The following ATP9A variants were observed in gnomAD, a reference collection of about 807,000 sequenced individuals.
ATP9A encodes the protein ATPase phospholipid transporting 9A, also known as probable phospholipid-transporting ATPase IIA.
ATP9A carries 52 observed loss-of-function variants against 144.1 expected under a neutral mutation model. The observed-to-expected ratio is 0.36, with a 90% CI of 0.29 to 0.45. The LOEUF is 0.45. Ranked by LOEUF, ATP9A falls within the 20% of genes least tolerant of loss-of-function variation. The pLI, the probability that ATP9A is intolerant of heterozygous loss-of-function variation, is 1.00. For missense variants in ATP9A, 947 were observed against 1,392.7 expected, an observed-to-expected ratio of 0.68 and a Z score of 5.09; for synonymous variants, 582 against 557.4, an observed-to-expected ratio of 1.04 and a Z score of -0.62.
chr20:51,653,763 G>C (rs1346081273), intron 14 of ATP9A, among the ~76,000 whole-genome samples: 2 of 151,898 alleles, frequency 1.3e-5, no homozygotes, highest in African/African-American at 4.8e-5. Flanking sequence ...CTCCAGCCTG[G>C]GCGACAGAGC....
In ATP9A at chr20:51,599,724, T is replaced by A. The variant is rs1162054872; in HGVS notation, c.*1487A>T. The A allele has an allele frequency of 1.3e-5, 2 of 152,166 alleles. No homozygotes were observed. The highest frequency in any genetic ancestry group is 3.9e-4 in the East Asian group (2 of 5,190). 9.4% of individuals were successfully genotyped at this position (152,166 alleles called of 1,614,324 possible). ...CTCCAAGAGCAGGAGTTAGTAGGCA[T>A]CAGAAACCAGGCTGTGATGTACATC... is the stretch of plus-strand genomic sequence containing the variant. On this transcript the variant is annotated 3_prime_UTR_variant, in exon 28 of 28. Transcript: ENST00000338821.
intron 14 of ATP9A, among the ~76,000 whole-genome samples, chr20:51,656,493 T>C (rs1313026901): frequency 3.3e-5 from 5 of 151,732 alleles, no homozygotes; most frequent in African/African-American, 9.7e-5. Flanking sequence ...TGGGTGGTTG[T>C]AGTGAGCCGA....
intron 9 of ATP9A, among the ~76,000 whole-genome samples, chr20:51,687,388 C>T (rs2077527781): frequency 6.6e-6 from 1 of 152,182 alleles, no homozygotes; most frequent in South Asian, 2.1e-4. Flanking sequence ...TGGTGACACA[C>T]GGTACTCCAG....
In ATP9A at chr20:51,604,976, A is replaced by C; in HGVS notation, c.2848T>G (p.Phe950Val). ...AAGGAGATGGCCACGATGTGCACGA[A>C]CTCCGACTCAAACAGCAGCAGCGCC... is the stretch of plus-strand genomic sequence containing the variant. ...YGALLLFESE[F>V]VHIVAISFTS... The change falls in exon 27 of 28, where the codon TTC (phenylalanine) becomes GTC (valine). Residue 950 changes from phenylalanine to valine, a missense_variant. Phe to Val is a conservative substitution (Grantham distance 50). Around this residue, in one of 2 missense-constraint regions of ATP9A, gnomAD observed 177 missense variants for 344.9 expected, o/e 0.51. Coordinates refer to ENST00000338821, the MANE Select transcript of ATP9A (RefSeq NM_006045.3). 2 of 1,612,730 alleles carry C rather than the reference A, an allele frequency of 1.2e-6. No individual in the cohort carries two copies. The highest frequency in any genetic ancestry group is 1.7e-6 in the Non-Finnish European group (2 of 1,179,428).
chr20:51,632,897 T>G (rs912526113), intron 15 of ATP9A, among the ~76,000 whole-genome samples: 15 of 152,044 alleles, frequency 9.9e-5, no homozygotes, highest in Admixed American at 6.6e-5. Flanking sequence ...CCGAGGCTGG[T>G]GGATCACCTG....
chr20:51,608,043 C>CAAA (rs11482003), intron 25 of ATP9A, among the ~76,000 whole-genome samples: 13 of 116,454 alleles, frequency 1.1e-4, no homozygotes, highest in South Asian at 2.7e-4. Flanking sequence ...GAATTAGTCT[C>CAAA]AAAAAAAAAA....
In ATP9A at chr20:51,596,878, C is replaced by G. The variant is rs1006207350; in HGVS notation, c.*4333G>C. On this transcript the variant is annotated 3_prime_UTR_variant, in exon 28 of 28. Transcript: ENST00000338821. ...ACGAAAGATCATATGTGTGTCATCA[C>G]AGCATCGAGAATTTAAATCATCTGG... 20 of 152,270 alleles carry G rather than the reference C, an allele frequency of 1.3e-4. No individual in the cohort carries two copies. The highest frequency in any genetic ancestry group is 9.8e-4 in the Admixed American group (15 of 15,290). The allele number at this position is 152,270 out of a possible 1,614,324, so 9.4% of individuals were successfully genotyped here.
chr20:51,695,399 G>A (rs1402051525), intron 6 of ATP9A, among the ~76,000 whole-genome samples: 1 of 148,520 alleles, frequency 6.7e-6, no homozygotes, highest in Non-Finnish European at 1.5e-5. Flanking sequence ...GGAGGCAGAG[G>A]TTGAGGTAAG....
intron 1 of ATP9A, among the ~76,000 whole-genome samples, chr20:51,737,707 T>G (rs1489549172): frequency 1.3e-5 from 2 of 152,202 alleles, no homozygotes; most frequent in East Asian, 3.8e-4. Flanking sequence ...TGTATTACAC[T>G]TTTCAATATT....
At chr20:51,762,871 G>C in intron 1 of ATP9A, among the ~76,000 whole-genome samples, 1 of 151,548 alleles carries the variant, frequency 6.6e-6, no homozygotes, top group East Asian at 2.0e-4. Context: ...CACCATGCCT[G>C]GCTTTTTTTA....
rs6096511 is a variant in ATP9A at position 51,635,307 on chromosome 20, G to A, written c.1668+4036C>T. ...GCCAAACTCTGCCAACAACACTGACGTCTGTATGTGGGTCCTACCACCATA... is the reference window on the plus strand; with the variant it reads ...GCCAAACTCTGCCAACAACACTGACATCTGTATGTGGGTCCTACCACCATA... On this transcript the variant is annotated intron_variant, in intron 15 of 27. Coordinates refer to ENST00000338821, the MANE Select transcript of ATP9A (RefSeq NM_006045.3). Among the ~76,000 whole-genome samples, 929 of 152,236 alleles carry A rather than the reference G, an allele frequency of 6.1e-3. 14 individuals carry two copies. The highest frequency in any genetic ancestry group is 0.021 in the African/African-American group (888 of 41,536).
At chr20:51,661,525 GCTTTTTT>G (rs1057270999) in intron 13 of ATP9A, among the ~76,000 whole-genome samples, 1 of 91,522 alleles carries the variant, frequency 1.1e-5, no homozygotes, top group Non-Finnish European at 2.2e-5. Flanking sequence ...ACCATGCCCA[GCTTTTTT>G]TTTTTTTTTT....
At chr20:51,606,442 A>C (rs768126761) in intron 26 of ATP9A, among the ~76,000 whole-genome samples, 10 of 152,174 alleles carry the variant, frequency 6.6e-5, no homozygotes, top group Non-Finnish European at 1.0e-4. Context: ...CATGCCTGTA[A>C]TCCCAACACT....
intron 17 of ATP9A, among the ~76,000 whole-genome samples, chr20:51,625,874 G>A (rs1455772314): frequency 1.3e-5 from 2 of 152,336 alleles, no homozygotes; most frequent in East Asian, 3.9e-4. Context: ...TAATGGGCCC[G>A]CTTGAAGCAC....
At chr20:51,666,335 C>A (rs1378943602) in intron 13 of ATP9A, among the ~76,000 whole-genome samples, 1 of 152,136 alleles carries the variant, frequency 6.6e-6, no homozygotes. Flanking sequence ...ACTCCTTGTG[C>A]TCCTGACTCT....
chr20:51,700,558 T>C (rs1601113516), intron 4 of ATP9A, among the ~76,000 whole-genome samples: 3 of 152,198 alleles, frequency 2.0e-5, no homozygotes, highest in South Asian at 2.1e-4. Flanking sequence ...GCGCCGGGCA[T>C]GGTGGCTCAC....
intron 14 of ATP9A, among the ~76,000 whole-genome samples, chr20:51,650,465 C>T (rs1027388571): frequency 4.0e-5 from 6 of 150,694 alleles, no homozygotes; most frequent in Non-Finnish European, 7.4e-5. Flanking sequence ...ACCCAGGAGA[C>T]GGAGGTTGCA....
chr20:51,642,958 TCCCCAGC>T (rs568508777), intron 14 of ATP9A, among the ~76,000 whole-genome samples: 113 of 152,050 alleles, frequency 7.4e-4, no homozygotes, highest in African/African-American at 2.6e-3. Context: ...CCCCGCTCTG[TCCCCAGC>T]CCCCAGCCCC....
chr20:51,705,087 G>A (rs2077609623), intron 4 of ATP9A, among the ~76,000 whole-genome samples: 1 of 152,142 alleles, frequency 6.6e-6, no homozygotes, highest in Non-Finnish European at 1.5e-5. Context: ...CTTATACTTT[G>A]AAACATAAGT....
Sources: gnomAD v4.1 joint callset for allele counts (sites outside exome capture counted in the v4.1 genomes callset) on GRCh38, gnomAD v4.1.1 for gene constraint, gnomAD v4.1.1 regional missense constraint, MANE v1.5 for transcripts, NCBI Gene and HGNC (gene_info 2026-07-23, HGNC 2026-07-21) for gene names.